KLRC4: variants seen among roughly 807,000 people sequenced by gnomAD.
The protein encoded by KLRC4 is killer cell lectin like receptor C4.
A neutral mutation model predicts 14.3 loss-of-function variants in KLRC4; 6 were observed. The ratio of observed to expected loss-of-function variants is 0.42; its 90% CI spans 0.23 to 0.83. The LOEUF (loss-of-function observed/expected upper bound fraction) is 0.83. KLRC4 is among the 40% of genes least tolerant of loss of function. KLRC4 has a pLI of 0.29. For synonymous variants in KLRC4, 53 were observed against 60.5 expected, an observed-to-expected ratio of 0.88 and a Z score of 0.57; for missense variants, 158 against 179.4, an observed-to-expected ratio of 0.88 and a Z score of 0.68.
rs781732297 is a variant in KLRC4, at chr12:10,407,723, T to C, written c.407A>G (p.Lys136Arg). ...TCTTTCTTCCCAAGTTCTTCTTTCC[T>C]TACCAATGTAATAACAACTGTTGGA... ...TYSNSCYYIGKERRTWEERVC... is the reference protein window; with the variant it reads ...TYSNSCYYIGRERRTWEERVC... Residue 136 changes from lysine to arginine, a missense_variant, in exon 4 of 4, where the codon AAG (lysine) becomes AGG (arginine). By Grantham distance (26) the Lys-to-Arg change is conservative (BLOSUM62 2). Transcript: ENST00000309384. The C allele has an allele frequency of 3.7e-6, 6 of 1,613,896 alleles. No homozygotes were observed. The Admixed American group carries it at 1.0e-4, about 27-fold the overall frequency.
Position 10,408,345 on chromosome 12 carries a change from A to T in KLRC4, c.324T>A (p.Asn108Lys), listed in dbSNP as rs112429327. Residue 108 changes from asparagine (N) to lysine (K), a missense_variant, in exon 3 of 4, where the codon AAT (asparagine) becomes AAA (lysine). Asn to Lys is a moderately conservative substitution (Grantham distance 94). Transcript: ENST00000309384. ...GVLEQNNFSL[N>K]RRMQKARHCG... ...ATAATGTACCTTTCTGCATTCTTCT[A>T]TTCAGGGAAAAATTGTTCTGCTCCA... 7 of 1,510,906 alleles carry T rather than the reference A, an allele frequency of 4.6e-6. No homozygotes were observed. Among genetic ancestry groups the T allele is most frequent in the African/African-American group, 4.1e-5 (3 of 73,044 alleles). The allele number at this position is 1,510,906 out of a possible 1,614,324, so 93.6% of individuals were successfully genotyped here.
At chr12:10,409,198 T>C (rs1182075850) in intron 1 of KLRC4, among the ~76,000 whole-genome samples, 188 bp from the exon 2 acceptor site, 1 of 152,122 alleles carries the variant, frequency 6.6e-6, no homozygotes, top group Admixed American at 6.6e-5. Context: ...GCTCCATGAG[T>C]TGTTAATCAC....
Position 10,407,871 on chromosome 12 carries a change from T to C in KLRC4, c.341-82A>G, listed in dbSNP as rs1432481919. The C allele has an allele frequency of 3.3e-6, 5 of 1,505,910 alleles. No individual in the cohort carries two copies. In the South Asian group the frequency reaches 6.9e-5, roughly 21 times the overall value. 93.3% of individuals were successfully genotyped at this position (1,505,910 alleles called of 1,614,324 possible). Reference sequence around the variant, plus strand: ...TTATATATTTGCAAAGCTATAAACATACAGGTACACAATATCTGCATCCTC... The same window carrying C: ...TTATATATTTGCAAAGCTATAAACACACAGGTACACAATATCTGCATCCTC... On this transcript the variant is annotated intron_variant, in intron 3 of 3. Transcript: ENST00000309384.
At chr12:10,409,131 A>G (rs1863546600) in intron 1 of KLRC4, 121 bp from the exon 2 acceptor site, 3 of 1,091,722 alleles carry the variant, frequency 2.7e-6, no homozygotes, top group South Asian at 2.9e-5. Flanking sequence ...CTAAATCTAC[A>G]TCTACTCTAG....
In KLRC4 at chr12:10,409,640, G is replaced by T. The variant is rs771670986; in HGVS notation, c.-65C>A. The T allele has an allele frequency of 3.9e-6, 6 of 1,525,294 alleles. No homozygotes were observed. The highest frequency in any genetic ancestry group is 5.3e-6 in the Non-Finnish European group (6 of 1,136,966). 94.5% of individuals were successfully genotyped at this position (1,525,294 alleles called of 1,614,324 possible). A position where few individuals can be genotyped will look rare whatever the true frequency, so the allele number is the denominator to read the frequency against. ...AACTGCACTTAAGAAGCTATAAGTG[G>T]TGTATATTTTGACAGGATCCCTGGT... On this transcript the variant is annotated 5_prime_UTR_variant, in exon 1 of 4. Transcript: ENST00000309384.
chr12:10,407,861 GC>G lies in KLRC4; in HGVS notation c.341-73del. On this transcript the variant is annotated intron_variant, in intron 3 of 3. Transcript: ENST00000309384. ...GAAAATTATTTTATATATTTGCAAA[GC>G]TATAAACATACAGGTACACAATATC... 3.9e-6 allele frequency: 6 copies of G among 1,531,836 alleles called. No homozygotes were observed. In the African/African-American group the frequency reaches 4.2e-5, roughly 11 times the overall value. 94.9% of individuals were successfully genotyped at this position (1,531,836 alleles called of 1,614,324 possible).
Position 10,409,565 on chromosome 12 carries a change from T to C in KLRC4, c.11A>G (p.Gln4Arg), listed in dbSNP as rs140767143. Residue 4 changes from glutamine to arginine, a missense_variant, in exon 1 of 4, where the codon CAA (glutamine) becomes CGA (arginine). Coordinates refer to ENST00000309384, the MANE Select transcript of KLRC4 (RefSeq NM_013431.2). MNK[Q>R]RGTYSEVSLA... ...ACTCACTTCTGAGTAGGTTCCTCTT[T>C]GTTTATTCATCTCTGCAGCTGTGTG... 1.2e-5 allele frequency: 20 copies of C among 1,612,528 alleles called. No homozygotes were observed. Among genetic ancestry groups the C allele is most frequent in the Non-Finnish European group, 1.4e-5 (17 of 1,179,534 alleles).
rs138156966 is a variant in KLRC4 at position 10,407,699 on chromosome 12, C to T, written c.431G>A (p.Arg144Lys). 14 of 1,613,732 alleles carry T rather than the reference C, an allele frequency of 8.7e-6. No homozygotes were observed. In the African/African-American group the frequency reaches 1.5e-4, roughly 17 times the overall value. The change falls in exon 4 of 4, where the codon AGA becomes AAA. Residue 144 changes from arginine to lysine, a missense_variant. Arg to Lys is a conservative substitution (Grantham distance 26, BLOSUM62 2). Transcript: ENST00000309384. ...IGKERRTWEE[R>K]VCWPVLRRTL... ...TCTTCGAAGCACAGGCCAGCAAACT[C>T]TTTCTTCCCAAGTTCTTCTTTCCTT...
chr12:10,409,059 GA>G, intron 1 of KLRC4, 49 bp from the exon 2 acceptor site: 2 of 1,604,982 alleles, frequency 1.2e-6, no homozygotes, highest in Non-Finnish European at 1.7e-6. Flanking sequence ...GAGAGTTGAT[GA>G]GAAGGTTTAC....
chr12:10,409,321 T>G (rs1863549095), intron 1 of KLRC4, 68 bp downstream of exon 1: 1 of 1,461,910 alleles, frequency 6.8e-7, no homozygotes, highest in African/African-American at 1.4e-5. Context: ...CCCTAATCTT[T>G]CCCCACCTTT....
At chr12:10,408,658 C>T (rs1863538072) in intron 2 of KLRC4, among the ~76,000 whole-genome samples, 1 of 151,978 alleles carries the variant, frequency 6.6e-6, no homozygotes, top group Admixed American at 6.6e-5. Flanking sequence ...GTCTTTGAGT[C>T]ATGAAATCAG....
chr12:10,408,863 A>G (rs770451821), intron 2 of KLRC4, 49 bp downstream of exon 2: 1 of 1,609,840 alleles, frequency 6.2e-7, no homozygotes, highest in Non-Finnish European at 8.5e-7. Flanking sequence ...AGGCGCTTCC[A>G]ATCATTATAG....
At position 10,409,534 on chromosome 12, in the gene KLRC4, G is replaced by A; in HGVS notation, c.42C>T (p.Ala14=). ...TCCTTTGCTGCCTCTTTGGGTCCTG[G>A]GCCAGACTCACTTCTGAGTAGGTTC... ...QRGTYSEVSL[A]QDPKRQQRKL... is the part of the protein sequence containing the mutation. Residue 14 remains alanine (A), a synonymous_variant, in exon 1 of 4, where the codon GCC becomes GCT. Transcript: ENST00000309384. 1 of 1,613,944 alleles carries A rather than the reference G, an allele frequency of 6.2e-7. No individual in the cohort carries two copies. Among genetic ancestry groups the A allele is most frequent in the Non-Finnish European group, 8.5e-7 (1 of 1,179,932 alleles).
chr12:10,407,577 C>T lies in KLRC4; in HGVS notation c.*76G>A, dbSNP rs1863516717. Reference sequence around the variant, plus strand: ...TGTATAAACATATGGATGATTTCTACAAATATGATATTGACAGAAATAAGC... The same window carrying T: ...TGTATAAACATATGGATGATTTCTATAAATATGATATTGACAGAAATAAGC... On this transcript the variant is annotated 3_prime_UTR_variant, in exon 4 of 4. Coordinates refer to ENST00000309384, the MANE Select transcript of KLRC4 (RefSeq NM_013431.2). 1.3e-6 allele frequency: 2 copies of T among 1,517,780 alleles called. No individual in the cohort carries two copies. Among genetic ancestry groups the T allele is most frequent in the Admixed American group, 2.0e-5 (1 of 51,172 alleles). The allele number at this position is 1,517,780 out of a possible 1,614,324, so 94.0% of individuals were successfully genotyped here.
chr12:10,408,828 ATCC>A (rs1361353361), intron 2 of KLRC4, 81 bp downstream of exon 2: 1 of 1,546,002 alleles, frequency 6.5e-7, no homozygotes, highest in Non-Finnish European at 8.9e-7. Flanking sequence ...GAGAATTCTA[ATCC>A]TCATTATTAT....
At chr12:10,408,568 T>G (rs1010834263) in intron 2 of KLRC4, among the ~76,000 whole-genome samples, 186 bp from the exon 3 acceptor site, 1 of 151,946 alleles carries the variant, frequency 6.6e-6, no homozygotes, top group Non-Finnish European at 1.5e-5. Flanking sequence ...AGCATAAAAC[T>G]TCACCATCTC....
Position 10,409,554 on chromosome 12 carries a change from A to C in KLRC4, c.22T>G (p.Tyr8Asp). The C allele has an allele frequency of 1.2e-6, 2 of 1,612,902 alleles. No individual in the cohort carries two copies. The highest frequency in any genetic ancestry group is 1.7e-6 in the Non-Finnish European group (2 of 1,179,640). The change falls in exon 1 of 4, where the codon TAC (tyrosine) becomes GAC (aspartate). Residue 8 changes from tyrosine (Y) to aspartate (D), a missense_variant. By Grantham distance (160) the Tyr-to-Asp change is radical. Transcript: ENST00000309384. ...TCCTGGGCCAGACTCACTTCTGAGT[A>C]GGTTCCTCTTTGTTTATTCATCTCT... MNKQRGT[Y>D]SEVSLAQDPK...
At chr12:10,408,851 C>T in intron 2 of KLRC4, 61 bp downstream of exon 2, 1 of 1,597,862 alleles carries the variant, frequency 6.3e-7, no homozygotes, top group Non-Finnish European at 8.6e-7. Context: ...TGAAATGTTT[C>T]AAGGCGCTTC....
chr12:10,407,941 G>T, intron 3 of KLRC4, 152 bp from the exon 4 acceptor site: 1 of 1,138,948 alleles, frequency 8.8e-7, no homozygotes, highest in Non-Finnish European at 1.2e-6. Context: ...TCACTCATAC[G>T]CACATGCACA....
Sources: gnomAD v4.1 joint callset for allele counts (sites outside exome capture counted in the v4.1 genomes callset) on GRCh38, gnomAD v4.1.1 for gene constraint, MANE v1.5 for transcripts, NCBI Gene and HGNC (gene_info 2026-07-23, HGNC 2026-07-21) for gene names.